Variants in ZNF362 observed in about 807,000 individuals in gnomAD.
The protein encoded by ZNF362 is zinc finger protein 362, also known as rotund homolog.
In ZNF362, 11 loss-of-function variants were observed where a neutral mutation model predicts 42.9. That is an observed-to-expected ratio of 0.26 (90% CI 0.16 to 0.42). The LOEUF is 0.42. ZNF362 is among the 20% of genes least tolerant of loss of function. The pLI is 1.00. For missense variants in ZNF362, 362 were observed against 576.2 expected (o/e 0.63, Z 3.81); for synonymous variants, 255 against 257.3 (o/e 0.99, Z 0.09).
At chr1:33,128,091 C>G in the ZNF362 span, among the ~76,000 whole-genome samples, 1 of 151,128 alleles carries the variant, frequency 6.6e-6, no homozygotes, top group Non-Finnish European at 1.5e-5. Flanking sequence ...AGGTTGGGCA[C>G]GGTAGCTCAC....
chr1:33,265,459 G>A lies in ZNF362; in HGVS notation c.-88-5028G>A, dbSNP rs534937074. Among the ~76,000 whole-genome samples, 6 of 152,100 alleles carry A rather than the reference G, an allele frequency of 3.9e-5. No individual in the cohort carries two copies. In the South Asian group the frequency reaches 1.0e-3, roughly 26 times the overall value. ...GCCCTTCCCAGCCCCGTGGGGCTGC[G>A]GAAACCCGGTCTAATTGGATCCAGG... On this transcript the variant is annotated intron_variant, in intron 1 of 8. Transcript: ENST00000539719.
At chr1:33,135,472 G>A in the ZNF362 span, among the ~76,000 whole-genome samples, 8 of 152,264 alleles carry the variant, frequency 5.3e-5, no homozygotes, top group East Asian at 3.9e-4. Flanking sequence ...TCTAGCTGTC[G>A]TTAGGCATTA....
At chr1:33,274,807 G>A (rs966103660) in intron 2 of ZNF362, 1 of 348,980 alleles carries the variant, frequency 2.9e-6, no homozygotes, top group African/African-American at 2.2e-5. Flanking sequence ...GCCTTGGACA[G>A]GTCTCCTCCT....
the ZNF362 span, among the ~76,000 whole-genome samples, chr1:33,152,323 T>C: frequency 1.3e-5 from 2 of 152,128 alleles, no homozygotes; most frequent in Non-Finnish European, 2.9e-5. Context: ...TCCAGCACTT[T>C]GGGAGGCCGA....
chr1:33,269,231 C>T (rs1032635642), intron 1 of ZNF362, among the ~76,000 whole-genome samples: 9 of 152,194 alleles, frequency 5.9e-5, no homozygotes, highest in African/African-American at 1.2e-4. Context: ...ATCTGTTCCC[C>T]GCACTGGGCT....
At chr1:33,258,392 T>G (rs1645808024) in intron 1 of ZNF362, among the ~76,000 whole-genome samples, 1 of 152,170 alleles carries the variant, frequency 6.6e-6, no homozygotes, top group Admixed American at 6.5e-5. Flanking sequence ...TCCTGGTTTG[T>G]GTCCTGGCTC....
chr1:33,197,508 C>T, the ZNF362 span, among the ~76,000 whole-genome samples: 5 of 152,236 alleles, frequency 3.3e-5, no homozygotes, highest in South Asian at 2.1e-4. Flanking sequence ...GATCAAAAGT[C>T]GTTATGCAGT....
chr1:33,259,685 G>A (rs889045088), intron 1 of ZNF362, among the ~76,000 whole-genome samples: 9 of 152,256 alleles, frequency 5.9e-5, no homozygotes, highest in African/African-American at 1.9e-4. Flanking sequence ...AGATACAAGT[G>A]TAGTCCTCCA....
At chr1:33,269,655 G>C (rs1645887962) in intron 1 of ZNF362, among the ~76,000 whole-genome samples, 1 of 152,156 alleles carries the variant, frequency 6.6e-6, no homozygotes, top group African/African-American at 2.4e-5. Context: ...TCCTGCCTCA[G>C]CCTCTCAAAG....
At chr1:33,238,604 T>C in the ZNF362 span, among the ~76,000 whole-genome samples, 3 of 151,368 alleles carry the variant, frequency 2.0e-5, no homozygotes, top group African/African-American at 7.3e-5. Context: ...GCGAAGGGAG[T>C]TGTTATGGAC....
the ZNF362 span, among the ~76,000 whole-genome samples, chr1:33,189,634 C>CATATAT: frequency 0.012 from 677 of 54,336 alleles, 3 homozygotes; most frequent in Admixed American, 0.019. Flanking sequence ...CACATTCCAG[C>CATATAT]ATATATATAT....
the ZNF362 span, among the ~76,000 whole-genome samples, chr1:33,245,133 T>A: frequency 1.3e-5 from 2 of 152,152 alleles, no homozygotes; most frequent in African/African-American, 4.8e-5. Flanking sequence ...AGTGCTCAGG[T>A]CCACCATCAA....
chr1:33,228,006 G>A, the ZNF362 span, among the ~76,000 whole-genome samples: 2 of 152,152 alleles, frequency 1.3e-5, no homozygotes, highest in Non-Finnish European at 2.9e-5. Context: ...AAGGGCTCAG[G>A]TTTATGGAGA....
chr1:33,176,407 C>T, the ZNF362 span: 3 of 696,420 alleles, frequency 4.3e-6, no homozygotes, highest in Middle Eastern at 2.3e-4. Context: ...ACCCTGCCTA[C>T]CAGGGCTTGC....
At chr1:33,275,986 CG>C in intron 2 of ZNF362, 113 bp from the exon 3 acceptor site, 1 of 1,186,218 alleles carries the variant, frequency 8.4e-7, no homozygotes, top group Non-Finnish European at 1.2e-6. Context: ...GGGGGACCCA[CG>C]GGGACATGGA....
At chr1:33,204,825 G>A in the ZNF362 span, among the ~76,000 whole-genome samples, 1 of 152,042 alleles carries the variant, frequency 6.6e-6, no homozygotes, top group Non-Finnish European at 1.5e-5. Context: ...AAGGCTTCAG[G>A]ATACAAAATT....
chr1:33,174,796 C>T, the ZNF362 span, among the ~76,000 whole-genome samples: 5 of 151,986 alleles, frequency 3.3e-5, no homozygotes, highest in South Asian at 2.1e-4. Context: ...GCCTATCTTT[C>T]GGGACCACAC....
rs1298644719 is a variant in ZNF362, at chr1:33,280,826, T to C, written c.683+369T>C. On this transcript the variant is annotated intron_variant, in intron 5 of 8. Coordinates refer to ENST00000539719, the MANE Select transcript of ZNF362 (RefSeq NM_152493.3). The surrounding 1 kb of genome is among the most constrained non-coding windows in gnomAD (Gnocchi z 5.6). Reference sequence around the variant, plus strand: ...GCTCATCCCTGTAATCCCAGCGCTTTGGGAGGCCAAGGCGGGTGGATCACC... The same window carrying C: ...GCTCATCCCTGTAATCCCAGCGCTTCGGGAGGCCAAGGCGGGTGGATCACC... Among the ~76,000 whole-genome samples the C allele has an allele frequency of 5.9e-5, 9 of 152,114 alleles. No homozygotes were observed. The highest frequency in any genetic ancestry group is 2.2e-4 in the African/African-American group (9 of 41,422).
At chr1:33,241,298 C>G in the ZNF362 span, among the ~76,000 whole-genome samples, 1 of 151,892 alleles carries the variant, frequency 6.6e-6, no homozygotes, top group Non-Finnish European at 1.5e-5. Flanking sequence ...AGTTTGAAAC[C>G]AGCCTGGCCA....
Sources: gnomAD v4.1 joint callset for allele counts (sites outside exome capture counted in the v4.1 genomes callset) on GRCh38, gnomAD v4.1.1 for gene constraint, Gnocchi (gnomAD v3.1) non-coding constraint, MANE v1.5 for transcripts, NCBI Gene and HGNC (gene_info 2026-07-23, HGNC 2026-07-21) for gene names.